The following RASGRF1 variants were observed in gnomAD, a reference collection of about 807,000 sequenced individuals.
The protein encoded by RASGRF1 is Ras protein specific guanine nucleotide releasing factor 1.
A neutral mutation model predicts 138.7 loss-of-function variants in RASGRF1; 40 were observed. That is an observed-to-expected ratio of 0.29 (90% CI 0.22 to 0.38). RASGRF1 has a LOEUF of 0.38. RASGRF1 is among the 10% of genes least tolerant of loss of function. The pLI is 1.00. For synonymous variants in RASGRF1, 614 were observed against 663.2 expected, an observed-to-expected ratio of 0.93 and a Z score of 1.14; for missense variants, 1,108 against 1,650.4, an observed-to-expected ratio of 0.67 and a Z score of 5.69.
In RASGRF1 at chr15:79,004,041, C is replaced by T. The variant is rs749905712; in HGVS notation, c.2210G>A (p.Arg737His). ...LSITKTSSPS[R>H]RRKLSLNIPI... ...GATGTTCAGGGAGAGCTTCCGCCGGCGGCTCGGTGACGATGTCTTGGTGAT... is the reference window on the plus strand; with the variant it reads ...GATGTTCAGGGAGAGCTTCCGCCGGTGGCTCGGTGACGATGTCTTGGTGAT... Residue 737 changes from arginine (R) to histidine (H), a missense_variant, in exon 15 of 27, where the codon CGC becomes CAC. Coordinates refer to ENST00000558480, the MANE Select transcript of RASGRF1 (RefSeq NM_001145648.3). The T allele has an allele frequency of 1.4e-5, 22 of 1,613,988 alleles. No individual in the cohort carries two copies. Among genetic ancestry groups the T allele is most frequent in the African/African-American group, 4.0e-5 (3 of 74,906 alleles).
At chr15:79,029,490 T>C (rs1037732071) in intron 8 of RASGRF1, among the ~76,000 whole-genome samples, 73 of 152,252 alleles carry the variant, frequency 4.8e-4, no homozygotes, top group Middle Eastern at 3.4e-3. Context: ...GGTCTGTGTT[T>C]GGGACCCATA....
rs1026390702 is a variant in RASGRF1, at chr15:79,050,289, T to C, written c.532-701A>G. Among the ~76,000 whole-genome samples the C allele has an allele frequency of 1.2e-4, 19 of 152,368 alleles. No homozygotes were observed. The highest frequency in any genetic ancestry group is 2.2e-4 in the Non-Finnish European group (15 of 68,036). On this transcript the variant is annotated intron_variant, in intron 3 of 26. Transcript: ENST00000558480. The surrounding 1 kb of genome is among the most constrained non-coding windows in gnomAD (Gnocchi z 4.1). ...GACCGGCTTATTTCATGGTGCATAA[T>C]GTCCTCAAGTTTCTTCCATGTTGCA... is the stretch of plus-strand genomic sequence containing the variant.
chr15:79,060,587 C>T (rs988415556), intron 2 of RASGRF1, among the ~76,000 whole-genome samples: 1 of 152,172 alleles, frequency 6.6e-6, no homozygotes, highest in African/African-American at 2.4e-5. Context: ...GACATTGGGT[C>T]ACACGTCTGT....
chr15:79,002,479 G>C (rs536195191), intron 15 of RASGRF1, among the ~76,000 whole-genome samples: 1 of 152,080 alleles, frequency 6.6e-6, no homozygotes, highest in Non-Finnish European at 1.5e-5. Context: ...AAAGCCACAG[G>C]TCTTCTCTTT....
intron 15 of RASGRF1, among the ~76,000 whole-genome samples, chr15:79,002,171 C>CT (rs1235459937): frequency 0.013 from 1,828 of 137,496 alleles, 42 homozygotes; most frequent in African/African-American, 0.053. Flanking sequence ...CACGATCTCT[C>CT]TTTTTTTTTT....
chr15:78,999,774 C>A lies in RASGRF1; in HGVS notation c.2715G>T (p.Glu905Asp), dbSNP rs1317487597. ...TGGCTAAGGACATCCTCCGGTACTTCTCCTTGTTTGGGGTGCCCTCGTTGG... is the reference window on the plus strand; with the variant it reads ...TGGCTAAGGACATCCTCCGGTACTTATCCTTGTTTGGGGTGCCCTCGTTGG... ...AGANEGTPNKEKYRRMSLASA... is the reference protein window; with the variant it reads ...AGANEGTPNKDKYRRMSLASA... The change falls in exon 17 of 27, where the codon GAG becomes GAT. Residue 905 changes from glutamate (E) to aspartate (D), a missense_variant. Coordinates refer to ENST00000558480, the MANE Select transcript of RASGRF1 (RefSeq NM_001145648.3). 1.9e-6 allele frequency: 3 copies of A among 1,614,134 alleles called. No homozygotes were observed. In the Admixed American group the frequency reaches 5.0e-5, roughly 27 times the overall value.
intron 1 of RASGRF1, among the ~76,000 whole-genome samples, chr15:79,083,325 G>C (rs1036288144): frequency 4.6e-5 from 7 of 152,198 alleles, no homozygotes; most frequent in African/African-American, 1.7e-4. Flanking sequence ...GCAGTGTTCT[G>C]GACCTCTCTC....
intron 3 of RASGRF1, 37 bp downstream of exon 3, chr15:79,058,297 G>T: frequency 6.3e-7 from 1 of 1,599,738 alleles, no homozygotes; most frequent in East Asian, 2.2e-5. Context: ...GAGATGTTGT[G>T]CCTAGGGCCT....
At chr15:78,979,687 C>T (rs990885705) in intron 24 of RASGRF1, among the ~76,000 whole-genome samples, 1 of 152,194 alleles carries the variant, frequency 6.6e-6, no homozygotes, top group Admixed American at 6.5e-5. Context: ...TCACTGCTTC[C>T]CTGGGAGAGC....
chr15:78,986,761 A>G (rs1355568722), intron 22 of RASGRF1, among the ~76,000 whole-genome samples: 1 of 152,260 alleles, frequency 6.6e-6, no homozygotes, highest in South Asian at 2.1e-4. Flanking sequence ...TTTATCGCTA[A>G]GAAATCTTCT....
At position 79,073,465 on chromosome 15, in the gene RASGRF1, C is replaced by T. The variant is rs1461224010; in HGVS notation, c.277-8939G>A. 3.3e-5 allele frequency among the ~76,000 whole-genome samples: 5 copies of T among 152,010 alleles called. No individual in the cohort carries two copies. The highest frequency in any genetic ancestry group is 7.2e-5 in the African/African-American group (3 of 41,388). On this transcript the variant is annotated intron_variant, in intron 1 of 26. Transcript: ENST00000558480. The surrounding 1 kb of genome is among the most constrained non-coding windows in gnomAD (Gnocchi z 4.2). The stretch of plus-strand genomic sequence containing the variant: ...GAGGCAGTTGGTTGGCAGTATCATC[C>T]GAAGCTATAAGGAGACCACCTGGAG...
rs537199902 is a variant in RASGRF1 at position 78,981,505 on chromosome 15, G to A, written c.3415-806C>T. The A allele has an allele frequency of 8.5e-5, 13 of 152,332 alleles. No individual in the cohort carries two copies. In the South Asian group the frequency reaches 2.3e-3, roughly 27 times the overall value. The allele number at this position is 152,332 out of a possible 1,614,324, so 9.4% of individuals were successfully genotyped here. On this transcript the variant is annotated intron_variant, in intron 23 of 26. Transcript: ENST00000558480. The stretch of plus-strand genomic sequence containing the variant: ...AGAAACCGCGGGAGCACAGCGGTAC[G>A]TCACGCCACCAGAGCCCTAGTCAGC...
At chr15:79,045,320 C>A (rs1406676120) in intron 5 of RASGRF1, among the ~76,000 whole-genome samples, 2 of 152,210 alleles carry the variant, frequency 1.3e-5, no homozygotes, top group East Asian at 3.9e-4. Flanking sequence ...GGAACACGTT[C>A]TTCACATTTT....
chr15:79,035,966 A>T (rs1030394205), intron 5 of RASGRF1, among the ~76,000 whole-genome samples: 5 of 152,168 alleles, frequency 3.3e-5, no homozygotes, highest in African/African-American at 9.7e-5. Flanking sequence ...CTGAACTCGT[A>T]TTCTCATTGG....
intron 21 of RASGRF1, 136 bp from the exon 22 acceptor site, chr15:78,990,409 G>A (rs2056245069): frequency 1.6e-6 from 1 of 634,726 alleles, no homozygotes; most frequent in Non-Finnish European, 2.8e-6. Flanking sequence ...GCAGAGCCCT[G>A]GAAGGAAGGA....
chr15:78,966,946 G>A (rs1398287138), intron 26 of RASGRF1, among the ~76,000 whole-genome samples: 1 of 151,932 alleles, frequency 6.6e-6, no homozygotes, highest in African/African-American at 2.4e-5. Flanking sequence ...ACAATTATTT[G>A]GATATATTGT....
rs779159950 is a variant in RASGRF1 at position 78,991,640 on chromosome 15, A to AG, written c.3131+50dup. ...GCGTGTGCTTCCAGGGTGCTGTCCAAGACAGTGCCTGAGGAAGCGGGGGGA... is the reference window on the plus strand; with the variant it reads ...GCGTGTGCTTCCAGGGTGCTGTCCAAGGACAGTGCCTGAGGAAGCGGGGGGA... On this transcript the variant is annotated intron_variant, in intron 21 of 26. Coordinates refer to ENST00000558480, the MANE Select transcript of RASGRF1 (RefSeq NM_001145648.3). The AG allele has an allele frequency of 6.8e-6, 10 of 1,462,968 alleles. No individual in the cohort carries two copies. In the East Asian group the frequency reaches 2.0e-4, roughly 30 times the overall value. The allele number at this position is 1,462,968 out of a possible 1,614,324, so 90.6% of individuals were successfully genotyped here.
At position 78,973,931 on chromosome 15, in the gene RASGRF1, C is replaced by T. The variant is rs920409633; in HGVS notation, c.3495-511G>A. Among the ~76,000 whole-genome samples the T allele has an allele frequency of 1.3e-5, 2 of 152,214 alleles. No homozygotes were observed. Among genetic ancestry groups the T allele is most frequent in the Non-Finnish European group, 2.9e-5 (2 of 68,042 alleles). On this transcript the variant is annotated intron_variant, in intron 24 of 26. Coordinates refer to ENST00000558480, the MANE Select transcript of RASGRF1 (RefSeq NM_001145648.3). The surrounding 1 kb of genome is among the most constrained non-coding windows in gnomAD (Gnocchi z 4.9). ...CTCTCCTGTCTCCACTGGCATCTCC[C>T]ACCCACCTAAGCACTGGGCTTGGGT...
rs766499045 is a variant in RASGRF1, at chr15:79,031,465, C to T, written c.1197G>A (p.Thr399=). The change falls in exon 8 of 27, where the codon ACG becomes ACA. Residue 399 remains threonine, a synonymous_variant. Coordinates refer to ENST00000558480, the MANE Select transcript of RASGRF1 (RefSeq NM_001145648.3). ...ILTLHELLAH[T]PHEHVERNSL... ...TGTTGCGCTCAACGTGCTCATGAGG[C>T]GTGTGGGCCAGGAGCTCATGGAGGG... 23 of 1,613,232 alleles carry T rather than the reference C, an allele frequency of 1.4e-5. No homozygotes were observed. The highest frequency in any genetic ancestry group is 1.3e-4 in the East Asian group (6 of 44,868).
Sources: allele counts gnomAD v4.1 joint callset (sites outside exome capture counted in the v4.1 genomes callset), GRCh38; gene constraint gnomAD v4.1.1; non-coding constraint Gnocchi (gnomAD v3.1); transcripts MANE v1.5; gene names NCBI Gene and HGNC (gene_info 2026-07-23, HGNC 2026-07-21).